Variants in MCU observed in about 807,000 individuals in gnomAD.
The protein encoded by MCU is calcium uniporter protein, mitochondrial.
In MCU, 12 loss-of-function variants were observed where a neutral mutation model predicts 45.2. That is an observed-to-expected ratio of 0.27 (90% CI 0.17 to 0.43). The LOEUF is 0.43. MCU is among the 20% of genes least tolerant of loss of function. The probability of loss-of-function intolerance (pLI) is 1.00; values close to 1 mark genes in which losing one functional copy is unlikely to be tolerated. For synonymous variants in MCU, 160 were observed against 165.1 expected (o/e 0.97, Z 0.24); for missense variants, 324 against 436.7 (o/e 0.74, Z 2.30).
Position 72,883,448 on chromosome 10 carries a change from A to G in MCU, c.862-818A>G, listed in dbSNP as rs141628266. Among the ~76,000 whole-genome samples, 9 of 152,314 alleles carry G rather than the reference A, an allele frequency of 5.9e-5. No homozygotes were observed. The East Asian group carries it at 1.7e-3, about 29-fold the overall frequency. The stretch of plus-strand genomic sequence containing the variant: ...CAGCAGAATGGCTAACGTCTTTTAA[A>G]CTGGCAATATCAAGTATTGGCAAGG... On this transcript the variant is annotated intron_variant, in intron 6 of 7. Coordinates refer to ENST00000373053, the MANE Select transcript of MCU (RefSeq NM_138357.3).
At chr10:72,865,193 T>C (rs1008657052) in intron 4 of MCU, among the ~76,000 whole-genome samples, 1 of 152,302 alleles carries the variant, frequency 6.6e-6, no homozygotes, top group Admixed American at 6.5e-5. Context: ...AAACAGGGGA[T>C]TGTATTTGAT....
chr10:72,816,004 C>A (rs11000421), intron 1 of MCU, among the ~76,000 whole-genome samples: 85,210 of 151,872 alleles, frequency 0.56, 25,278 homozygotes, highest in Non-Finnish European at 0.67. Context: ...CATGGTGAAA[C>A]CCCATCTCTA....
In MCU at chr10:72,819,678, A is replaced by G. The variant is rs866238967; in HGVS notation, c.151-14681A>G. ...GAAGTGAAAGAATAATGCAGTAGAC[A>G]TTGAAATTACCTTTACCTAGATTCA... On this transcript the variant is annotated intron_variant, in intron 1 of 7. Coordinates refer to ENST00000373053, the MANE Select transcript of MCU (RefSeq NM_138357.3). 8.1e-5 allele frequency among the ~76,000 whole-genome samples: 12 copies of G among 148,358 alleles called. No homozygotes were observed. The Middle Eastern group carries it at 0.015, about 187-fold the overall frequency.
At chr10:72,859,913 C>T (rs1845350626) in intron 3 of MCU, 1 of 152,396 alleles carries the variant, frequency 6.6e-6, no homozygotes, top group Non-Finnish European at 1.5e-5. Flanking sequence ...CCCATTTACC[C>T]TTCACCTGGA....
chr10:72,697,426 A>ATTTTTTTTTTTTT (rs1001610262), intron 1 of MCU, among the ~76,000 whole-genome samples: 1 of 64,128 alleles, frequency 1.6e-5, no homozygotes, highest in Non-Finnish European at 2.9e-5. Flanking sequence ...CCAGACTTCT[A>ATTTTTTTTTTTTT]TTTTTTTTTT....
chr10:72,839,466 AC>A (rs1467078443), intron 2 of MCU, among the ~76,000 whole-genome samples: 1 of 152,188 alleles, frequency 6.6e-6, no homozygotes, highest in Non-Finnish European at 1.5e-5. Flanking sequence ...ATGGACTCAT[AC>A]AATATGTAGT....
intron 1 of MCU, among the ~76,000 whole-genome samples, chr10:72,755,899 A>G (rs1268198316): frequency 6.6e-6 from 1 of 150,844 alleles, no homozygotes; most frequent in Admixed American, 6.6e-5. Context: ...CTTAGAGTGC[A>G]GTGATATGAT....
At chr10:72,807,591 A>G (rs1844471736) in intron 1 of MCU, among the ~76,000 whole-genome samples, 1 of 152,150 alleles carries the variant, frequency 6.6e-6, no homozygotes, top group African/African-American at 2.4e-5. Flanking sequence ...CAGTGAATCT[A>G]ATGCTTTGAT....
At chr10:72,827,358 T>A (rs1844814061) in intron 1 of MCU, among the ~76,000 whole-genome samples, 1 of 152,228 alleles carries the variant, frequency 6.6e-6, no homozygotes. Flanking sequence ...TGTACCTACA[T>A]CAGTCAAAAA....
intron 1 of MCU, 57 bp from the exon 2 acceptor site, chr10:72,834,301 CA>C: frequency 7.8e-7 from 1 of 1,279,066 alleles, no homozygotes; most frequent in Non-Finnish European, 1.1e-6. Flanking sequence ...TATACACACA[CA>C]TAAGTATATG....
At chr10:72,816,316 G>A (rs149379611) in intron 1 of MCU, among the ~76,000 whole-genome samples, 2 of 151,994 alleles carry the variant, frequency 1.3e-5, no homozygotes, top group South Asian at 2.1e-4. Context: ...TAAATAATAC[G>A]TAGGAATGGG....
chr10:72,788,399 AG>A (rs1226025762), intron 1 of MCU, among the ~76,000 whole-genome samples: 1 of 152,206 alleles, frequency 6.6e-6, no homozygotes, highest in Non-Finnish European at 1.5e-5. Context: ...CCAAGGCAAG[AG>A]GATCCCTTGA....
intron 2 of MCU, among the ~76,000 whole-genome samples, chr10:72,835,457 C>T (rs1305228525): frequency 6.6e-6 from 1 of 152,146 alleles, no homozygotes; most frequent in Non-Finnish European, 1.5e-5. Flanking sequence ...GCATAACAAC[C>T]ACTGAAAGAG....
chr10:72,723,373 ATTTC>A (rs1843050789), intron 1 of MCU, among the ~76,000 whole-genome samples: 1 of 152,108 alleles, frequency 6.6e-6, no homozygotes, highest in South Asian at 2.1e-4. Flanking sequence ...TTTTTAAAAA[ATTTC>A]TTTCTATGAT....
At chr10:72,743,443 GC>G (rs1361806555) in intron 1 of MCU, among the ~76,000 whole-genome samples, 2 of 148,926 alleles carry the variant, frequency 1.3e-5, no homozygotes, top group Non-Finnish European at 3.0e-5. Context: ...GGTTTTTGGA[GC>G]CCCTTTAATA....
chr10:72,730,689 A>C (rs1192237374), intron 1 of MCU: 7 of 152,224 alleles, frequency 4.6e-5, no homozygotes, highest in African/African-American at 1.7e-4. Context: ...CTTTGTCCAA[A>C]ATATGCAGAA....
At chr10:72,714,749 G>A (rs1044804405) in intron 1 of MCU, among the ~76,000 whole-genome samples, 1 of 151,908 alleles carries the variant, frequency 6.6e-6, no homozygotes, top group African/African-American at 2.4e-5. Context: ...TCTCCATGTT[G>A]GTCAGGCTGG....
chr10:72,703,146 T>C (rs2132651247), intron 1 of MCU, among the ~76,000 whole-genome samples: 1 of 152,322 alleles, frequency 6.6e-6, no homozygotes, highest in Middle Eastern at 3.4e-3. Flanking sequence ...CAAGAATAGC[T>C]GGAGATTAGG....
chr10:72,696,037 C>T (rs1842682166), intron 1 of MCU, among the ~76,000 whole-genome samples: 1 of 151,214 alleles, frequency 6.6e-6, no homozygotes, highest in Non-Finnish European at 1.5e-5. Flanking sequence ...TGGCAGGCGC[C>T]TGTAGTCCCA....
Sources: gnomAD v4.1 joint callset for allele counts (sites outside exome capture counted in the v4.1 genomes callset) on GRCh38, gnomAD v4.1.1 for gene constraint, MANE v1.5 for transcripts, NCBI Gene and HGNC (gene_info 2026-07-23, HGNC 2026-07-21) for gene names.